ANKRD55: variants seen among roughly 807,000 people sequenced by gnomAD.
ANKRD55 encodes the protein ankyrin repeat domain-containing protein 55.
ANKRD55 carries 41 observed loss-of-function variants against 60.6 expected under a neutral mutation model. That is an observed-to-expected ratio of 0.68 (90% CI 0.53 to 0.88). The LOEUF (loss-of-function observed/expected upper bound fraction) is 0.88, where lower values mean the gene tolerates loss of function less well. ANKRD55 is among the 40% of genes least tolerant of loss of function. The probability of loss-of-function intolerance (pLI) is 0.00; values close to 1 mark genes in which losing one functional copy is unlikely to be tolerated. For synonymous variants in ANKRD55, 264 were observed against 290.3 expected, an observed-to-expected ratio of 0.91 and a Z score of 0.92; for missense variants, 732 against 767.6, an observed-to-expected ratio of 0.95 and a Z score of 0.55.
In ANKRD55 at chr5:56,100,247, C is replaced by T. The variant is rs34879141; in HGVS notation, c.1781G>A (p.Arg594Gln). Residue 594 changes from arginine (R) to glutamine (Q), a missense_variant, in exon 12 of 12, where the codon CGA (arginine) becomes CAA (glutamine). Arg to Gln is a conservative substitution (Grantham distance 43). This residue lies in a region of ANKRD55 where 597 missense variants were observed against 607.5 expected (regional missense o/e 0.98). Coordinates refer to ENST00000341048, the MANE Select transcript of ANKRD55 (RefSeq NM_024669.3). The stretch of plus-strand genomic sequence containing the variant: ...CTCTTCTGCTGCTGTGCTGTGTCTT[C>T]GTTGACTTGGAATTGCAGGAAGCAC... The part of the protein sequence containing the change: ...NRVLPAIPSQ[R>Q]RHSTAAEESE... 1,670 of 1,614,144 alleles carry T rather than the reference C, an allele frequency of 1.0e-3. 15 individuals are homozygous for T. In the African/African-American group the frequency reaches 0.019, roughly 18 times the overall value.
intron 2 of ANKRD55, among the ~76,000 whole-genome samples, chr5:56,196,391 T>A (rs1362806879): frequency 6.6e-6 from 1 of 152,230 alleles, no homozygotes; most frequent in Non-Finnish European, 1.5e-5. Context: ...ATACATTTCT[T>A]AATAAGTAAT....
intron 7 of ANKRD55, among the ~76,000 whole-genome samples, chr5:56,143,136 G>A (rs528417654): frequency 2.1e-4 from 32 of 152,292 alleles, no homozygotes; most frequent in Admixed American, 5.9e-4. Context: ...CTGTGCTGAA[G>A]ACAGAGACGG....
At chr5:56,161,914 C>G in intron 5 of ANKRD55, 1 of 946,946 alleles carries the variant, frequency 1.1e-6, no homozygotes, top group Non-Finnish European at 1.3e-6. Context: ...CAATTTTTAT[C>G]TTTGCAATTA....
chr5:56,127,120 T>C lies in ANKRD55; in HGVS notation c.613-14A>G, dbSNP rs1409416962. On this transcript the variant is annotated splice_polypyrimidine_tract_variant and intron_variant, in intron 7 of 11. Coordinates refer to ENST00000341048, the MANE Select transcript of ANKRD55 (RefSeq NM_024669.3). ...CCTATTTCCACTCTGGAAAAGAGAG[T>C]CAAAGAAAGCCCATTATGTACAATC... is the stretch of plus-strand genomic sequence containing the variant. The C allele has an allele frequency of 6.3e-7, 1 of 1,586,874 alleles. No individual in the cohort carries two copies. The highest frequency in any genetic ancestry group is 2.3e-5 in the East Asian group (1 of 43,992).
intron 10 of ANKRD55, among the ~76,000 whole-genome samples, chr5:56,105,546 AG>A (rs1310073155): frequency 1.6e-4 from 24 of 152,356 alleles, no homozygotes; most frequent in Admixed American, 9.8e-4. Context: ...AATAATAACA[AG>A]GGCCAAGATG....
At chr5:56,118,185 A>C (rs1274645969) in intron 8 of ANKRD55, among the ~76,000 whole-genome samples, 1 of 152,112 alleles carries the variant, frequency 6.6e-6, no homozygotes, top group Non-Finnish European at 1.5e-5. Flanking sequence ...AAGGTATAAA[A>C]ATATTCACCA....
intron 6 of ANKRD55, among the ~76,000 whole-genome samples, chr5:56,157,355 T>G (rs528989628): frequency 6.6e-6 from 1 of 152,198 alleles, no homozygotes; most frequent in Admixed American, 6.5e-5. Flanking sequence ...CCCCATGTGA[T>G]AGTCTGAAAT....
At chr5:56,173,224 G>C (rs1175914816) in intron 4 of ANKRD55, among the ~76,000 whole-genome samples, 1 of 152,114 alleles carries the variant, frequency 6.6e-6, no homozygotes, top group Non-Finnish European at 1.5e-5. Context: ...TTGAGACAGG[G>C]TCTCACTCTG....
chr5:56,153,677 A>G (rs1203053813), intron 6 of ANKRD55, among the ~76,000 whole-genome samples: 2 of 151,604 alleles, frequency 1.3e-5, no homozygotes, highest in Non-Finnish European at 2.9e-5. Flanking sequence ...GTCTCTACTA[A>G]TATACAAAAA....
chr5:56,180,199 A>G (rs551923348), intron 3 of ANKRD55, among the ~76,000 whole-genome samples: 2 of 152,244 alleles, frequency 1.3e-5, no homozygotes, highest in African/African-American at 4.8e-5. Context: ...CACTCCCACA[A>G]TGACCCATGA....
rs1437997954 is a variant in ANKRD55, at chr5:56,135,335, CTTTCTTTCTTTCTTTCTTTCT to C, written c.613-8250_613-8230del. 4.6e-3 allele frequency among the ~76,000 whole-genome samples: 83 copies of C among 18,114 alleles called. 7 individuals carry two copies. Among genetic ancestry groups the C allele is most frequent in the African/African-American group, 0.017 (44 of 2,584 alleles). 11.9% of individuals were successfully genotyped at this position (18,114 alleles called of 152,430 possible). On this transcript the variant is annotated intron_variant, in intron 7 of 11. Coordinates refer to ENST00000341048, the MANE Select transcript of ANKRD55 (RefSeq NM_024669.3). ...TCTTTCTTTCTTTCTTTCTTTCTTT[CTTTCTTTCTTTCTTTCTTTCT>C]TTCTTTCTTTCCTTCTTTCTTTCTT...
chr5:56,223,133 C>T (rs905270644), intron 2 of ANKRD55, among the ~76,000 whole-genome samples: 22 of 152,278 alleles, frequency 1.4e-4, no homozygotes, highest in Admixed American at 3.9e-4. Context: ...AAGGGAAGCC[C>T]ATCAAACCAA....
intron 10 of ANKRD55, among the ~76,000 whole-genome samples, chr5:56,104,786 T>C (rs1240445654): frequency 6.6e-6 from 1 of 152,010 alleles, no homozygotes; most frequent in Non-Finnish European, 1.5e-5. Context: ...GGGATTGCAA[T>C]TGATGTGGGA....
intron 6 of ANKRD55, among the ~76,000 whole-genome samples, chr5:56,151,901 ATG>A (rs1245422699): frequency 6.9e-6 from 1 of 145,078 alleles, no homozygotes; most frequent in Non-Finnish European, 1.5e-5. Flanking sequence ...ACACACGTAT[ATG>A]TGTGTATATA....
chr5:56,114,077 C>A (rs187920394), intron 9 of ANKRD55: 6 of 149,260 alleles, frequency 4.0e-5, no homozygotes, highest in African/African-American at 1.5e-4. Flanking sequence ...GCCTGTAATC[C>A]CAGCACTTTG....
rs139006254 is a variant in ANKRD55, at chr5:56,202,704, T to C, written c.59-19070A>G. ...GGGAGGAAGTCTTGCAACAATATTA[T>C]CTCAAGAGTAAATATCTGACTGCAA... On this transcript the variant is annotated intron_variant, in intron 2 of 11. Coordinates refer to ENST00000341048, the MANE Select transcript of ANKRD55 (RefSeq NM_024669.3). Among the ~76,000 whole-genome samples the C allele has an allele frequency of 2.0e-3, 304 of 152,336 alleles. 3 individuals carry two copies. In the Middle Eastern group the frequency reaches 0.048, roughly 24 times the overall value.
In ANKRD55 at chr5:56,206,677, T is replaced by C. The variant is rs115050361; in HGVS notation, c.59-23043A>G. 6.3e-3 allele frequency among the ~76,000 whole-genome samples: 960 copies of C among 152,312 alleles called. 11 individuals carry two copies. Among genetic ancestry groups the C allele is most frequent in the African/African-American group, 0.022 (914 of 41,566 alleles). On this transcript the variant is annotated intron_variant, in intron 2 of 11. Transcript: ENST00000341048. ...CAACCCCCACCAGCAGAATCTGAAC[T>C]GTCTCTTGTTCCCCATTCTGCACTC... is the stretch of plus-strand genomic sequence containing the variant.
chr5:56,196,094 G>T (rs986921054), intron 2 of ANKRD55, among the ~76,000 whole-genome samples: 4 of 152,074 alleles, frequency 2.6e-5, no homozygotes, highest in African/African-American at 9.7e-5. Flanking sequence ...ACTTGCTTGG[G>T]TTTAAATTCT....
intron 2 of ANKRD55, among the ~76,000 whole-genome samples, chr5:56,186,052 A>C (rs979519515): frequency 2.9e-4 from 44 of 152,146 alleles, no homozygotes; most frequent in African/African-American, 8.2e-4. Context: ...GTCAAATGCC[A>C]CTCCTGTGAT....
Sources: gnomAD v4.1 joint callset for allele counts (sites outside exome capture counted in the v4.1 genomes callset) on GRCh38, gnomAD v4.1.1 for gene constraint, gnomAD v4.1.1 regional missense constraint, MANE v1.5 for transcripts, NCBI Gene and HGNC (gene_info 2026-07-23, HGNC 2026-07-21) for gene names.